Variants in HLA-B observed in about 807,000 individuals in gnomAD.
The protein encoded by HLA-B is HLA class I antigen HLA-B.
HLA-B carries 31 observed loss-of-function variants against 41.5 expected under a neutral mutation model. That is an observed-to-expected ratio of 0.75 (90% CI 0.56 to 1.01). The LOEUF is 1.01. Among genes scored for constraint, HLA-B ranks in the 50% least tolerant of loss-of-function variants. The pLI is 0.00. For synonymous variants in HLA-B, 138 were observed against 189.0 expected (o/e 0.73, Z 2.21); for missense variants, 369 against 457.2 (o/e 0.81, Z 1.76).
Position 31,354,623 on chromosome 6 carries a change from C to T in HLA-B, c.1045+10G>A, listed in dbSNP as rs199794512. ...GTGAGCTCCTCCACACTCCCACCCCCACCACTTACACGCAGCCTGAGAGTA... is the reference window on the plus strand; with the variant it reads ...GTGAGCTCCTCCACACTCCCACCCCTACCACTTACACGCAGCCTGAGAGTA... On this transcript the variant is annotated intron_variant, in intron 6 of 7. Transcript: ENST00000412585. The T allele has an allele frequency of 7.0e-5, 100 of 1,426,682 alleles. 7 individuals are homozygous for T. In the African/African-American group the frequency reaches 1.5e-3, roughly 22 times the overall value. The allele number at this position is 1,426,682 out of a possible 1,614,324, so 88.4% of individuals were successfully genotyped here. A position where few individuals can be genotyped will look rare whatever the true frequency, so the allele number is the denominator to read the frequency against.
chr6:31,356,370 TG>T lies in HLA-B; in HGVS notation c.415del (p.Gln139SerfsTer12). 1 of 1,019,662 alleles carries T rather than the reference TG, an allele frequency of 9.8e-7. No individual in the cohort carries two copies. The highest frequency in any genetic ancestry group is 1.3e-6 in the Non-Finnish European group (1 of 765,950). 63.2% of individuals were successfully genotyped at this position (1,019,662 alleles called of 1,614,324 possible). On this transcript the variant is annotated frameshift_variant, in exon 3 of 8. Coordinates refer to ENST00000412585, the MANE Select transcript of HLA-B (RefSeq NM_005514.8). LOFTEE classifies it high-confidence loss of function. ...GTAATCCTTGCCGTCGTAGGCGTAC[TG>T]GTCATGCCCGCGGAGGAGGCGCCCG... is the stretch of plus-strand genomic sequence containing the variant. ...PDGRLLRGHDQYAYDGKDYIA... is the reference protein window; with the variant it reads ...PDGRLLRGHDXYAYDGKDYIA...
At chr6:31,355,244 G>C (rs1365268764) in intron 4 of HLA-B, 21 bp from the exon 5 acceptor site, 1 of 1,010,218 alleles carries the variant, frequency 9.9e-7, no homozygotes, top group South Asian at 2.4e-5. Flanking sequence ...AGGGGAAGAT[G>C]AGGGGCCCTG....
At chr6:31,356,470 T>TG in intron 2 of HLA-B, 28 bp from the exon 3 acceptor site, 1 of 682,850 alleles carries the variant, frequency 1.5e-6, no homozygotes. Flanking sequence ...GTCAGCCCAG[T>TG]CCCCCGAGCC....
chr6:31,354,373 C>A lies in HLA-B; in HGVS notation c.*5-77G>T, dbSNP rs927448325. 151 of 426,008 alleles carry A rather than the reference C, an allele frequency of 3.5e-4. 5 individuals are homozygous for A. In the Middle Eastern group the frequency reaches 5.0e-3, roughly 14 times the overall value. The allele number at this position is 426,008 out of a possible 1,614,324, so 26.4% of individuals were successfully genotyped here. A position where few individuals can be genotyped will look rare whatever the true frequency, so the allele number is the denominator to read the frequency against. On this transcript the variant is annotated intron_variant, in intron 7 of 7. Coordinates refer to ENST00000412585, the MANE Select transcript of HLA-B (RefSeq NM_005514.8). ...GACACTCTAAACAGCCCACCACACA[C>A]GCGAAACATCCCAATCAAAGAATCC...
At position 31,357,098 on chromosome 6, in the gene HLA-B, C is replaced by A. The variant is rs1231905919; in HGVS notation, c.61G>T (p.Glu21Ter). 1 of 908,296 alleles carries A rather than the reference C, an allele frequency of 1.1e-6. No individual in the cohort carries two copies. The highest frequency in any genetic ancestry group is 1.4e-6 in the Non-Finnish European group (1 of 698,724). The allele number at this position is 908,296 out of a possible 1,614,324, so 56.3% of individuals were successfully genotyped here. A position where few individuals can be genotyped will look rare whatever the true frequency, so the allele number is the denominator to read the frequency against. ...LLLSAALALTETWAGSHSMRY... is the reference protein window; with the variant it reads ...LLLSAALALT ...GACCCGCACTCACCGGCCCAGGTCT[C>A]GGTCAGGGCCAGGGCCGCCGAGAGC... The change falls in exon 1 of 8, where the codon GAG (glutamate) becomes TAG (stop). Residue 21 changes from glutamate to a stop codon, truncating the protein, a stop_gained. Transcript: ENST00000412585. LOFTEE classifies it high-confidence loss of function.
At chr6:31,354,584 G>A in intron 6 of HLA-B, 49 bp downstream of exon 6, 8 of 1,478,800 alleles carry the variant, frequency 5.4e-6, no homozygotes, top group South Asian at 1.1e-5. Context: ...GGGACAGGAG[G>A]AATTATGGGG....
At position 31,354,465 on chromosome 6, in the gene HLA-B, C is replaced by T; in HGVS notation, c.*4+14G>A. On this transcript the variant is annotated intron_variant, in intron 7 of 7. Coordinates refer to ENST00000412585, the MANE Select transcript of HLA-B (RefSeq NM_005514.8). ...ACCCGCCACCCCACCCACTCTAGAC[C>T]CCAAGAATCTCACCTTTTCAAGCTG... is the stretch of plus-strand genomic sequence containing the variant. The T allele has an allele frequency of 9.3e-7, 1 of 1,075,090 alleles. No individual in the cohort carries two copies. Among genetic ancestry groups the T allele is most frequent in the Non-Finnish European group, 1.3e-6 (1 of 796,858 alleles). 66.6% of individuals were successfully genotyped at this position (1,075,090 alleles called of 1,614,324 possible). A position where few individuals can be genotyped will look rare whatever the true frequency, so the allele number is the denominator to read the frequency against.
intron 2 of HLA-B, 100 bp from the exon 3 acceptor site, chr6:31,356,542 C>A: frequency 2.3e-6 from 2 of 866,132 alleles, no homozygotes; most frequent in South Asian, 4.2e-5. Context: ...ACCGGGTAAA[C>A]GCGCCTGGGG....
In HLA-B at chr6:31,355,137, C is replaced by T. The variant is rs1273680566; in HGVS notation, c.982G>A (p.Ala328Thr). 2.0e-5 allele frequency: 23 copies of T among 1,123,804 alleles called. 1 individual carries two copies. The highest frequency in any genetic ancestry group is 6.1e-5 in the African/African-American group (2 of 32,996). 69.6% of individuals were successfully genotyped at this position (1,123,804 alleles called of 1,614,324 possible). A position where few individuals can be genotyped will look rare whatever the true frequency, so the allele number is the denominator to read the frequency against. The change falls in exon 5 of 8, where the codon GCT becomes ACT. Residue 328 changes from alanine to threonine, a missense_variant. By Grantham distance (58) the Ala-to-Thr change is moderately conservative (BLOSUM62 0). Transcript: ENST00000412585. ...LAVVVIGAVVAAVMCRRKSSG... is the reference protein window; with the variant it reads ...LAVVVIGAVVTAVMCRRKSSG... ...CTCTTCCTCCTACACATCACAGCAG[C>T]GACCACAGCTCCGATGACCACAACT...
chr6:31,354,337 T>C (rs1468333265), intron 7 of HLA-B, 41 bp from the exon 8 acceptor site: 2 of 533,576 alleles, frequency 3.7e-6, no homozygotes, highest in Non-Finnish European at 7.0e-6. Context: ...TGGTTAGTCA[T>C]GGTAAGCGAT....
chr6:31,355,406 G>T lies in HLA-B; in HGVS notation c.806C>A (p.Ala269Glu), dbSNP rs185573735. ...PAGDRTFQKW[A>E]AVVVPSGEEQ... ...TTCTCCAGAAGGCACCACCACAGCT[G>T]CCCACTTCTGGAAGGTTCTATCTCC... Residue 269 changes from alanine to glutamate, a missense_variant, in exon 4 of 8, where the codon GCA (alanine) becomes GAA (glutamate). Ala to Glu is a moderately radical substitution (Grantham distance 107). This residue lies in a region of HLA-B where 23 missense variants were observed against 37.0 expected (regional missense o/e 0.62). Transcript: ENST00000412585. 14 of 1,583,370 alleles carry T rather than the reference G, an allele frequency of 8.8e-6. No homozygotes were observed. The Admixed American group carries it at 2.3e-4, about 26-fold the overall frequency.
rs1406572751 is a variant in HLA-B at position 31,353,889 on chromosome 6, G to A, written c.*412C>T. The stretch of plus-strand genomic sequence containing the variant: ...CATGCAGATTCTGGAAGGTTCTCAG[G>A]TCTTTATTTGCTCTCTCAAATTCCA... On this transcript the variant is annotated 3_prime_UTR_variant, in exon 8 of 8. Coordinates refer to ENST00000412585, the MANE Select transcript of HLA-B (RefSeq NM_005514.8). 1 of 301,566 alleles carries A rather than the reference G, an allele frequency of 3.3e-6. No homozygotes were observed. The highest frequency in any genetic ancestry group is 6.4e-6 in the Non-Finnish European group (1 of 156,836). The allele number at this position is 301,566 out of a possible 1,614,324, so 18.7% of individuals were successfully genotyped here.
Position 31,354,461 on chromosome 6 carries a change from A to T in HLA-B, c.*4+18T>A, listed in dbSNP as rs2113731974. ...CCAGACCCGCCACCCCACCCACTCT[A>T]GACCCCAAGAATCTCACCTTTTCAA... On this transcript the variant is annotated intron_variant, in intron 7 of 7. Coordinates refer to ENST00000412585, the MANE Select transcript of HLA-B (RefSeq NM_005514.8). 1 of 962,610 alleles carries T rather than the reference A, an allele frequency of 1.0e-6. No individual in the cohort carries two copies. Among genetic ancestry groups the T allele is most frequent in the Non-Finnish European group, 1.4e-6 (1 of 716,570 alleles). The allele number at this position is 962,610 out of a possible 1,614,324, so 59.6% of individuals were successfully genotyped here. A position where few individuals can be genotyped will look rare whatever the true frequency, so the allele number is the denominator to read the frequency against.
chr6:31,354,713 A>T, intron 5 of HLA-B, 48 bp from the exon 6 acceptor site: 1 of 1,019,014 alleles, frequency 9.8e-7, no homozygotes, highest in South Asian at 1.3e-5. Flanking sequence ...AAGCAGGGCC[A>T]TGAGATCTTA....
rs1767053199 is a variant in HLA-B at position 31,356,621 on chromosome 6, G to C, written c.343+67C>G. ...AGGCGGATCTCGGACCCGGAGACTCGGGGCGACCCGGGCCGTACGTGGGGG... is the reference window on the plus strand; with the variant it reads ...AGGCGGATCTCGGACCCGGAGACTCCGGGCGACCCGGGCCGTACGTGGGGG... On this transcript the variant is annotated intron_variant, in intron 2 of 7. Transcript: ENST00000412585. The C allele has an allele frequency of 3.0e-6, 4 of 1,323,180 alleles. 1 individual carries two copies. Among genetic ancestry groups the C allele is most frequent in the African/African-American group, 1.7e-5 (1 of 58,568 alleles). The allele number at this position is 1,323,180 out of a possible 1,614,324, so 82.0% of individuals were successfully genotyped here.
At chr6:31,354,564 C>CA (rs751115697) in intron 6 of HLA-B, 38 bp from the exon 7 acceptor site, 1 of 1,461,746 alleles carries the variant, frequency 6.8e-7, no homozygotes, top group Non-Finnish European at 9.1e-7. Flanking sequence ...TCAGAGCCCG[C>CA]AGGAGACGTG....
chr6:31,354,437 C>CCA, intron 7 of HLA-B, 42 bp downstream of exon 7: 1 of 338,886 alleles, frequency 3.0e-6, no homozygotes. Flanking sequence ...CACCCACCCC[C>CCA]AGACCCGCCA....
chr6:31,355,235 G>A lies in HLA-B; in HGVS notation c.896-12C>T, dbSNP rs2854001. The A allele has an allele frequency of 0.13, 117,876 of 891,420 alleles. 19,717 individuals carry two copies. The highest frequency in any genetic ancestry group is 0.17 in the South Asian group (6,346 of 37,404). The allele number at this position is 891,420 out of a possible 1,614,324, so 55.2% of individuals were successfully genotyped here. A position where few individuals can be genotyped will look rare whatever the true frequency, so the allele number is the denominator to read the frequency against. On this transcript the variant is annotated splice_polypyrimidine_tract_variant and intron_variant, in intron 4 of 7. Transcript: ENST00000412585. ...CTGGGAAGACGGCTCTGGGAAAGGAGGGGAAGATGAGGGGCCCTGACCCTG... is the reference window on the plus strand; with the variant it reads ...CTGGGAAGACGGCTCTGGGAAAGGAAGGGAAGATGAGGGGCCCTGACCCTG...
chr6:31,354,331 T>G (rs111301312), intron 7 of HLA-B, 35 bp from the exon 8 acceptor site: 18,479 of 484,088 alleles, frequency 0.038, 610 homozygotes, highest in South Asian at 0.057. Context: ...AAATTCTGGT[T>G]AGTCATGGTA....
Sources: allele counts gnomAD v4.1 joint callset, GRCh38; gene constraint gnomAD v4.1.1; regional missense constraint gnomAD v4.1.1; transcripts MANE v1.5; gene names NCBI Gene and HGNC (gene_info 2026-07-23, HGNC 2026-07-21).